The following HIBADH variants were observed in gnomAD, a reference collection of about 807,000 sequenced individuals.
The protein encoded by HIBADH is 3-hydroxyisobutyrate dehydrogenase.
In HIBADH, 25 loss-of-function variants were observed where a neutral mutation model predicts 36.1. The ratio of observed to expected loss-of-function variants is 0.69; its 90% CI spans 0.50 to 0.97. HIBADH has a LOEUF of 0.97. Ranked by LOEUF, HIBADH falls within the 50% of genes least tolerant of loss-of-function variation. The probability of loss-of-function intolerance (pLI) is 0.00; values close to 1 mark genes in which losing one functional copy is unlikely to be tolerated. For missense variants in HIBADH, 421 were observed against 418.0 expected (o/e 1.01, Z -0.06); for synonymous variants, 160 against 149.5 (o/e 1.07, Z -0.51).
intron 2 of HIBADH, among the ~76,000 whole-genome samples, chr7:27,647,343 T>G (rs1014466868): frequency 2.0e-5 from 3 of 152,210 alleles, no homozygotes; most frequent in Admixed American, 1.3e-4. Context: ...ACTTATAAAT[T>G]GTTTATTTCT....
chr7:27,604,546 ATC>A, intron 4 of HIBADH, among the ~76,000 whole-genome samples: 1 of 152,246 alleles, frequency 6.6e-6, no homozygotes, highest in Non-Finnish European at 1.5e-5. Context: ...CACAGGCATA[ATC>A]TATAAAGAGA....
chr7:27,573,133 T>C (rs986706), intron 4 of HIBADH, among the ~76,000 whole-genome samples: 115,511 of 152,166 alleles, frequency 0.76, 44,297 homozygotes, highest in East Asian at 0.94. Flanking sequence ...TGCAGAAAAT[T>C]GTAAGTAGCT....
intron 2 of HIBADH, among the ~76,000 whole-genome samples, chr7:27,641,614 A>G (rs1785962885): frequency 6.6e-6 from 1 of 152,212 alleles, no homozygotes; most frequent in Non-Finnish European, 1.5e-5. Flanking sequence ...AACTAAACAT[A>G]GCTATGAAAT....
At chr7:27,586,415 G>A (rs1784864913) in intron 4 of HIBADH, among the ~76,000 whole-genome samples, 1 of 151,800 alleles carries the variant, frequency 6.6e-6, no homozygotes, top group African/African-American at 2.4e-5. Flanking sequence ...GGGAGGGGAA[G>A]GGGTTGATTA....
intron 4 of HIBADH, among the ~76,000 whole-genome samples, chr7:27,621,005 C>T (rs758150780): frequency 6.7e-6 from 1 of 149,368 alleles, no homozygotes; most frequent in South Asian, 2.1e-4. Flanking sequence ...AATAAGGACA[C>T]ATACACAGCT....
intron 4 of HIBADH, among the ~76,000 whole-genome samples, chr7:27,562,392 ATTTT>A (rs1784481064): frequency 6.6e-6 from 1 of 152,118 alleles, no homozygotes; most frequent in South Asian, 2.1e-4. Flanking sequence ...TTTATATTTT[ATTTT>A]TATTTAGATA....
rs1251847053 is a variant in HIBADH at position 27,562,647 on chromosome 7, A to G, written c.485-19547T>C. On this transcript the variant is annotated intron_variant, in intron 4 of 7. Coordinates refer to ENST00000265395, the MANE Select transcript of HIBADH (RefSeq NM_152740.4). ...GCTGGGACCACAGGCACAAGCCACC[A>G]ATGCTTAGCTATGTTGCCCAGGGTG... Among the ~76,000 whole-genome samples the G allele has an allele frequency of 3.5e-4, 54 of 152,168 alleles. 1 individual carries two copies. Among genetic ancestry groups the G allele is most frequent in the Admixed American group, 3.5e-3 (53 of 15,280 alleles).
rs532965610 is a variant in HIBADH, at chr7:27,596,983, G to A, written c.484+32388C>T. On this transcript the variant is annotated intron_variant, in intron 4 of 7. Coordinates refer to ENST00000265395, the MANE Select transcript of HIBADH (RefSeq NM_152740.4). ...TTGTTTTTTAAAAAAGTGTGTATAT[G>A]CATATATATGCAATAAAAACTTTTT... Among the ~76,000 whole-genome samples the A allele has an allele frequency of 2.6e-5, 4 of 152,012 alleles. No homozygotes were observed. In the South Asian group the frequency reaches 8.3e-4, roughly 31 times the overall value.
intron 4 of HIBADH, among the ~76,000 whole-genome samples, chr7:27,580,719 T>A (rs1784775156): frequency 6.6e-6 from 1 of 152,206 alleles, no homozygotes; most frequent in Non-Finnish European, 1.5e-5. Context: ...GCATTGAGAA[T>A]ACAGCAATGA....
At chr7:27,645,368 A>AGGTT (rs1554300960) in intron 2 of HIBADH, among the ~76,000 whole-genome samples, 1 of 59,650 alleles carries the variant, frequency 1.7e-5, no homozygotes, top group African/African-American at 6.3e-5. Context: ...CATGGTTTTG[A>AGGTT]TTTTTTTTTT....
intron 1 of HIBADH, among the ~76,000 whole-genome samples, chr7:27,653,185 G>A (rs1013996627): frequency 6.6e-6 from 1 of 152,124 alleles, no homozygotes; most frequent in Non-Finnish European, 1.5e-5. Context: ...TAAAATTTCA[G>A]TCCATAACAA....
At chr7:27,596,956 ATT>A (rs1188362326) in intron 4 of HIBADH, among the ~76,000 whole-genome samples, 1 of 152,162 alleles carries the variant, frequency 6.6e-6, no homozygotes, top group Non-Finnish European at 1.5e-5. Flanking sequence ...AAAAAATCCC[ATT>A]TGTTTTTTAA....
At chr7:27,657,581 T>C (rs546873272) in intron 1 of HIBADH, among the ~76,000 whole-genome samples, 9 of 152,276 alleles carry the variant, frequency 5.9e-5, no homozygotes, top group African/African-American at 1.7e-4. Flanking sequence ...AATGAGGCCA[T>C]GTTGGATGGG....
At chr7:27,640,115 C>T (rs920984287) in intron 2 of HIBADH, among the ~76,000 whole-genome samples, 1 of 152,186 alleles carries the variant, frequency 6.6e-6, no homozygotes, top group Non-Finnish European at 1.5e-5. Context: ...TAGCTGCCTC[C>T]CTTATTATTG....
intron 4 of HIBADH, among the ~76,000 whole-genome samples, chr7:27,568,905 C>CT (rs70994660): frequency 0.74 from 106,979 of 144,526 alleles, 39,956 homozygotes; most frequent in East Asian, 0.93. Flanking sequence ...TTTCAGCCAC[C>CT]TTTTTTTTTT....
chr7:27,555,469 C>T (rs1303040479), intron 4 of HIBADH, among the ~76,000 whole-genome samples: 1 of 151,972 alleles, frequency 6.6e-6, no homozygotes, highest in Non-Finnish European at 1.5e-5. Context: ...TTGTCAGTTC[C>T]AAGTCTAGAG....
intron 7 of HIBADH, among the ~76,000 whole-genome samples, chr7:27,530,105 G>C (rs1783969759): frequency 6.6e-6 from 1 of 152,178 alleles, no homozygotes; most frequent in African/African-American, 2.4e-5. Flanking sequence ...TATGTACTGG[G>C]AAACCAAAAA....
intron 6 of HIBADH, among the ~76,000 whole-genome samples, chr7:27,532,610 G>A (rs1562611889): frequency 6.6e-6 from 1 of 152,202 alleles, no homozygotes. Context: ...GTGGTTCCCA[G>A]ACTGCTATGT....
At chr7:27,661,255 G>A (rs985064083) in intron 1 of HIBADH, among the ~76,000 whole-genome samples, 1 of 152,110 alleles carries the variant, frequency 6.6e-6, no homozygotes, top group Non-Finnish European at 1.5e-5. Context: ...GAAATTCAGA[G>A]GTTTCACTGA....
Sources: gnomAD v4.1 joint callset for allele counts (sites outside exome capture counted in the v4.1 genomes callset) on GRCh38, gnomAD v4.1.1 for gene constraint, MANE v1.5 for transcripts, NCBI Gene and HGNC (gene_info 2026-07-23, HGNC 2026-07-21) for gene names.